STK32A: variants seen among roughly 807,000 people sequenced by gnomAD.
STK32A encodes the protein serine/threonine-protein kinase 32A.
STK32A carries 41 observed loss-of-function variants against 53.2 expected under a neutral mutation model. The ratio of observed to expected loss-of-function variants is 0.77; its 90% CI spans 0.60 to 1.00. The LOEUF (loss-of-function observed/expected upper bound fraction) is 1.00. STK32A is among the 50% of genes least tolerant of loss of function. The pLI is 0.00. For synonymous variants in STK32A, 166 were observed against 162.8 expected, an observed-to-expected ratio of 1.02 and a Z score of -0.15; for missense variants, 458 against 485.8, an observed-to-expected ratio of 0.94 and a Z score of 0.54.
At chr5:147,346,859 C>T (rs1561737221) in intron 6 of STK32A, among the ~76,000 whole-genome samples, 1 of 152,136 alleles carries the variant, frequency 6.6e-6, no homozygotes, top group Non-Finnish European at 1.5e-5. Context: ...TTTCTTAATA[C>T]CATCCTGTTA....
intron 2 of STK32A, among the ~76,000 whole-genome samples, chr5:147,248,585 C>A (rs1030082621): frequency 1.3e-5 from 2 of 152,060 alleles, no homozygotes; most frequent in East Asian, 3.9e-4. Flanking sequence ...TGATGTTGAT[C>A]CCCCCATCCT....
chr5:147,273,287 T>A (rs564702756), intron 2 of STK32A, among the ~76,000 whole-genome samples: 1 of 152,188 alleles, frequency 6.6e-6, no homozygotes, highest in Non-Finnish European at 1.5e-5. Context: ...ATTCAACATA[T>A]AATTCTAAAA....
chr5:147,275,265 T>A (rs6580457), intron 2 of STK32A, among the ~76,000 whole-genome samples: 2 of 151,780 alleles, frequency 1.3e-5, no homozygotes, highest in Non-Finnish European at 1.5e-5. Context: ...TCCTGCTAAC[T>A]AGTGATTCTT....
intron 8 of STK32A, among the ~76,000 whole-genome samples, chr5:147,366,190 C>A (rs1479768162): frequency 2.6e-5 from 4 of 152,114 alleles, no homozygotes; most frequent in Non-Finnish European, 5.9e-5. Flanking sequence ...ATTTCTGACC[C>A]TTCATGAACT....
intron 7 of STK32A, among the ~76,000 whole-genome samples, chr5:147,355,837 G>A (rs1199207612): frequency 6.7e-6 from 1 of 149,390 alleles, no homozygotes; most frequent in Non-Finnish European, 1.5e-5. Flanking sequence ...GGACTAGCAA[G>A]CAAAAGGAAA....
chr5:147,379,077 T>G (rs546087497), intron 11 of STK32A, among the ~76,000 whole-genome samples: 1 of 151,626 alleles, frequency 6.6e-6, no homozygotes, highest in African/African-American at 2.4e-5. Context: ...TTTCCATTTG[T>G]TTGTGTCCTC....
At chr5:147,314,438 C>T (rs1454388638) in intron 4 of STK32A, among the ~76,000 whole-genome samples, 1 of 140,258 alleles carries the variant, frequency 7.1e-6, no homozygotes, top group Non-Finnish European at 1.5e-5. Flanking sequence ...GTAGAGGTTG[C>T]AGGGCGTGGA....
At chr5:147,365,528 C>T (rs1298572022) in intron 8 of STK32A, among the ~76,000 whole-genome samples, 1 of 151,388 alleles carries the variant, frequency 6.6e-6, no homozygotes, top group African/African-American at 2.4e-5. Flanking sequence ...ATCCAGTGAA[C>T]AAGTAGATAC....
chr5:147,299,601 A>T (rs1753032045), intron 4 of STK32A, among the ~76,000 whole-genome samples: 1 of 152,134 alleles, frequency 6.6e-6, no homozygotes, highest in African/African-American at 2.4e-5. Flanking sequence ...TGGGGTGGTA[A>T]AATGTCAACG....
chr5:147,330,931 C>T (rs763644863), intron 5 of STK32A, among the ~76,000 whole-genome samples: 1 of 152,204 alleles, frequency 6.6e-6, no homozygotes, highest in Non-Finnish European at 1.5e-5. Context: ...TTATTTCAGG[C>T]AGAGATCTGG....
chr5:147,345,432 C>T (rs1383850333), intron 6 of STK32A, among the ~76,000 whole-genome samples: 1 of 152,146 alleles, frequency 6.6e-6, no homozygotes, highest in East Asian at 1.9e-4. Flanking sequence ...GCTGGGACTG[C>T]TTCATCTTGT....
chr5:147,322,837 T>TC, intron 4 of STK32A, among the ~76,000 whole-genome samples: 1 of 152,116 alleles, frequency 6.6e-6, no homozygotes, highest in East Asian at 1.9e-4. Context: ...ATCCCTACAC[T>TC]CCTTCCTGTG....
chr5:147,252,596 A>T (rs1754045199), intron 2 of STK32A, among the ~76,000 whole-genome samples: 1 of 152,224 alleles, frequency 6.6e-6, no homozygotes, highest in Admixed American at 6.5e-5. Flanking sequence ...TAAAAGCAAG[A>T]TTTACAATTA....
At chr5:147,312,880 C>A (rs968520900) in intron 4 of STK32A, among the ~76,000 whole-genome samples, 1 of 151,976 alleles carries the variant, frequency 6.6e-6, no homozygotes, top group Non-Finnish European at 1.5e-5. Context: ...TTTTAGCAAA[C>A]CCTCTTCTAT....
At chr5:147,324,120 T>A (rs1158325547) in intron 5 of STK32A, 49 bp downstream of exon 5, 1 of 1,494,490 alleles carries the variant, frequency 6.7e-7, no homozygotes, top group East Asian at 2.4e-5. Context: ...AAGGAGAGAA[T>A]CCACAACTGG....
chr5:147,340,733 T>C (rs1755364322), intron 5 of STK32A, among the ~76,000 whole-genome samples: 1 of 152,210 alleles, frequency 6.6e-6, no homozygotes, highest in Non-Finnish European at 1.5e-5. Context: ...TTTTCTCATA[T>C]TCTTTCTCTG....
intron 6 of STK32A, among the ~76,000 whole-genome samples, chr5:147,349,305 C>A (rs1020590663): frequency 6.6e-6 from 1 of 152,170 alleles, no homozygotes; most frequent in Non-Finnish European, 1.5e-5. Context: ...TTATGCTTAG[C>A]AGCAGGCTGG....
chr5:147,351,019 G>T lies in STK32A; in HGVS notation c.473-46G>T. ...AGTTAAAAGCATGATTGTGCCACTG[G>T]GTTGAATGGGACTTAACTTTCTGTG... On this transcript the variant is annotated intron_variant, in intron 6 of 12. Transcript: ENST00000397936. The T allele has an allele frequency of 2.6e-6, 4 of 1,540,526 alleles. No homozygotes were observed. In the South Asian group the frequency reaches 4.5e-5, roughly 17 times the overall value.
chr5:147,282,517 C>G (rs1364477211), intron 4 of STK32A, among the ~76,000 whole-genome samples: 2 of 152,154 alleles, frequency 1.3e-5, no homozygotes, highest in African/African-American at 4.8e-5. Context: ...TAAGAACTCA[C>G]CAACCTACTA....
Sources: allele counts gnomAD v4.1 joint callset (sites outside exome capture counted in the v4.1 genomes callset), GRCh38; gene constraint gnomAD v4.1.1; transcripts MANE v1.5; gene names NCBI Gene and HGNC (gene_info 2026-07-23, HGNC 2026-07-21).